Variants in PCSK5 observed in about 807,000 individuals in gnomAD.
PCSK5 encodes the protein prohormone convertase 5.
Under a neutral mutation model 233.2 loss-of-function variants are expected in PCSK5, and 129 were observed. The ratio of observed to expected loss-of-function variants is 0.55; its 90% CI spans 0.48 to 0.64. The LOEUF (loss-of-function observed/expected upper bound fraction) is 0.64. PCSK5 is among the 30% of genes least tolerant of loss of function. The pLI is 0.00. For synonymous variants in PCSK5, 825 were observed against 879.2 expected, an observed-to-expected ratio of 0.94 and a Z score of 1.09; for missense variants, 2,076 against 2,430.1, an observed-to-expected ratio of 0.85 and a Z score of 3.06.
chr9:75,947,616 A>G (rs1290744389), intron 2 of PCSK5, among the ~76,000 whole-genome samples: 1 of 152,166 alleles, frequency 6.6e-6, no homozygotes, highest in African/African-American at 2.4e-5. Flanking sequence ...TTTGCTTTAA[A>G]TGGAATGTTC....
intron 1 of PCSK5, among the ~76,000 whole-genome samples, chr9:75,914,591 C>CAA (rs1237517795): frequency 6.6e-6 from 1 of 152,066 alleles, no homozygotes; most frequent in Non-Finnish European, 1.5e-5. Flanking sequence ...AGTCCCCTTT[C>CAA]AGTAGGGCAA....
At chr9:76,337,037 T>C (rs1829696185) in intron 34 of PCSK5, among the ~76,000 whole-genome samples, 1 of 151,588 alleles carries the variant, frequency 6.6e-6, no homozygotes, top group African/African-American at 2.4e-5. Flanking sequence ...ATATTTAACT[T>C]CCAAAAATCT....
chr9:75,908,984 T>TATCTATCTATCTATCTATC (rs1361343985), intron 1 of PCSK5, among the ~76,000 whole-genome samples: 6 of 141,708 alleles, frequency 4.2e-5, no homozygotes, highest in East Asian at 2.1e-4. Flanking sequence ...TCTATCTATC[T>TATCTATCTATCTATCTATC]ATCTATCCGA....
rs781520178 is a variant in PCSK5, at chr9:76,328,149, G to A, written c.4480G>A (p.Gly1494Arg). ...CGAGTACTGGGATGAGGATGCTCCC[G>A]GGTGCAAGCCCTGCCATGTTAAGTG... The part of the protein sequence containing the change: ...PSEYWDEDAP[G>R]CKPCHVKCFH... The change falls in exon 33 of 38, where the codon GGG (glycine) becomes AGG (arginine). Residue 1494 changes from glycine to arginine, a missense_variant. By Grantham distance (125) the Gly-to-Arg change is moderately radical. Transcript: ENST00000674117. 6.8e-6 allele frequency: 11 copies of A among 1,612,692 alleles called. No individual in the cohort carries two copies. Among genetic ancestry groups the A allele is most frequent in the African/African-American group, 4.0e-5 (3 of 74,914 alleles).
intron 20 of PCSK5, among the ~76,000 whole-genome samples, chr9:76,207,210 A>G (rs1007450482): frequency 1.3e-5 from 2 of 152,200 alleles, no homozygotes; most frequent in Non-Finnish European, 2.9e-5. Context: ...ACTTAATCAC[A>G]TCTGGGAAAT....
chr9:76,148,345 C>T (rs568027949), intron 10 of PCSK5, among the ~76,000 whole-genome samples: 1 of 13,516 alleles, frequency 7.4e-5, no homozygotes, highest in Admixed American at 5.5e-4. Flanking sequence ...GAGGGAGTTT[C>T]TCTCTCCCTC....
intron 12 of PCSK5, among the ~76,000 whole-genome samples, chr9:76,164,483 G>A (rs575206200): frequency 1.3e-5 from 2 of 152,318 alleles, no homozygotes; most frequent in South Asian, 2.1e-4. Flanking sequence ...CACTTAATAA[G>A]TGGTAACTCT....
intron 3 of PCSK5, among the ~76,000 whole-genome samples, chr9:76,015,116 G>T (rs967887921): frequency 1.3e-5 from 2 of 152,176 alleles, no homozygotes; most frequent in Non-Finnish European, 2.9e-5. Flanking sequence ...AACCAGGAGA[G>T]CCAAGGGTGT....
chr9:76,218,464 G>C (rs1413200187), intron 20 of PCSK5, among the ~76,000 whole-genome samples: 2 of 152,156 alleles, frequency 1.3e-5, no homozygotes, highest in Admixed American at 1.3e-4. Flanking sequence ...CCAGGGTTTA[G>C]ATGATGTTCA....
intron 2 of PCSK5, among the ~76,000 whole-genome samples, chr9:75,983,278 A>G (rs1826359363): frequency 6.6e-6 from 1 of 152,212 alleles, no homozygotes; most frequent in Non-Finnish European, 1.5e-5. Context: ...CATAATTTAT[A>G]TGCATATGGT....
At chr9:76,000,628 C>T (rs962837413) in intron 3 of PCSK5, among the ~76,000 whole-genome samples, 1 of 152,182 alleles carries the variant, frequency 6.6e-6, no homozygotes, top group African/African-American at 2.4e-5. Context: ...TTATCAGGGG[C>T]TATTTCCCTA....
intron 5 of PCSK5, among the ~76,000 whole-genome samples, chr9:76,029,404 TAAC>T (rs1828564436): frequency 6.6e-6 from 1 of 152,132 alleles, no homozygotes; most frequent in Non-Finnish European, 1.5e-5. Flanking sequence ...CAAAAACAAC[TAAC>T]AACAGGTGTA....
rs966911839 is a variant in PCSK5 at position 76,351,539 on chromosome 9, A to G, written c.5067+611A>G. Among the ~76,000 whole-genome samples the G allele has an allele frequency of 1.9e-5, 2 of 106,068 alleles. 1 individual carries two copies. The highest frequency in any genetic ancestry group is 4.3e-5 in the Non-Finnish European group (2 of 46,710). 69.6% of individuals were successfully genotyped at this position (106,068 alleles called of 152,430 possible). On this transcript the variant is annotated intron_variant, in intron 36 of 37. Transcript: ENST00000674117. ...AAGAAAGAAAGAAAGAAAGGAAGGAAAGAAAGAGAAAGAAGAGAGAGAGAG... is the reference window on the plus strand; with the variant it reads ...AAGAAAGAAAGAAAGAAAGGAAGGAGAGAAAGAGAAAGAAGAGAGAGAGAG...
chr9:76,243,707 A>G (rs1011467188), intron 24 of PCSK5, among the ~76,000 whole-genome samples: 3 of 152,174 alleles, frequency 2.0e-5, no homozygotes, highest in Non-Finnish European at 2.9e-5. Flanking sequence ...AAACTACCTG[A>G]GAACAAGCTC....
In PCSK5 at chr9:76,189,682, A is replaced by C. The variant is rs757935315; in HGVS notation, c.2562A>C (p.Thr854=). The change falls in exon 20 of 38, where the codon ACA becomes ACC. Residue 854 remains threonine (T), a synonymous_variant. Coordinates refer to ENST00000674117, the MANE Select transcript of PCSK5 (RefSeq NM_001372043.1). ...TCNGPGFKNC[T]SCPSGYLLDL... is the part of the protein sequence containing the mutation. ...ATGGCCCAGGATTCAAGAACTGTAC[A>C]AGCTGCCCTAGTGGGTATCTCTTAG... 164 of 1,613,346 alleles carry C rather than the reference A, an allele frequency of 1.0e-4. No homozygotes were observed. The highest frequency in any genetic ancestry group is 1.4e-4 in the Non-Finnish European group (163 of 1,179,470).
intron 1 of PCSK5, among the ~76,000 whole-genome samples, chr9:75,898,070 AT>A (rs1564067767): frequency 6.6e-6 from 1 of 152,204 alleles, no homozygotes; most frequent in Non-Finnish European, 1.5e-5. Flanking sequence ...ACCTTACCTG[AT>A]CTGCACTTTC....
At chr9:76,067,826 C>T (rs1394420630) in intron 5 of PCSK5, 129 bp from the exon 6 acceptor site, 2 of 698,692 alleles carry the variant, frequency 2.9e-6, no homozygotes, top group African/African-American at 1.8e-5. Flanking sequence ...CAAAGTGCTA[C>T]TTGGGAAGGA....
At chr9:76,233,322 T>C in intron 21 of PCSK5, 138 bp from the exon 22 acceptor site, 2 of 793,408 alleles carry the variant, frequency 2.5e-6, no homozygotes, top group East Asian at 5.2e-5. Context: ...TCTAAGATGA[T>C]CACTCCCAGG....
chr9:76,297,096 T>C (rs1828463692), intron 27 of PCSK5, among the ~76,000 whole-genome samples: 1 of 152,092 alleles, frequency 6.6e-6, no homozygotes, highest in African/African-American at 2.4e-5. Context: ...CAAAGGGCAA[T>C]TTATAATTAG....
Sources: allele counts gnomAD v4.1 joint callset (sites outside exome capture counted in the v4.1 genomes callset), GRCh38; gene constraint gnomAD v4.1.1; transcripts MANE v1.5; gene names NCBI Gene and HGNC (gene_info 2026-07-23, HGNC 2026-07-21).